The following FANCA variants were observed in gnomAD, a reference collection of about 807,000 sequenced individuals.
FANCA encodes the protein FA complementation group A.
FANCA carries 236 observed loss-of-function variants against 194.3 expected under a neutral mutation model. The ratio of observed to expected loss-of-function variants is 1.21; its 90% CI spans 1.09 to 1.35. The LOEUF (loss-of-function observed/expected upper bound fraction) is 1.35, where lower values mean the gene tolerates loss of function less well. FANCA is among the 40% of genes most tolerant of loss of function. The pLI, the probability that FANCA is intolerant of heterozygous loss-of-function variation, is 0.00. For synonymous variants in FANCA, 1,014 were observed against 715.8 expected, an observed-to-expected ratio of 1.42 and a Z score of -6.65; for missense variants, 2,628 against 1,813.9, an observed-to-expected ratio of 1.45 and a Z score of -8.15.
chr16:89,801,006 C>A, intron 8 of FANCA, among the ~76,000 whole-genome samples: 1 of 141,934 alleles, frequency 7.0e-6, no homozygotes, highest in African/African-American at 2.7e-5. Flanking sequence ...GCACTCCAGC[C>A]TGGGAGACAG....
At chr16:89,790,387 C>G (rs1331246096) in intron 14 of FANCA, among the ~76,000 whole-genome samples, 1 of 146,926 alleles carries the variant, frequency 6.8e-6, no homozygotes, top group Non-Finnish European at 1.5e-5. Flanking sequence ...GAATGAGACT[C>G]CACCTCAAAA....
chr16:89,781,609 G>T (rs1039466090), intron 17 of FANCA, among the ~76,000 whole-genome samples: 2 of 151,116 alleles, frequency 1.3e-5, no homozygotes, highest in African/African-American at 4.9e-5. Flanking sequence ...CCGGGAGGCG[G>T]AGCTTGCAGT....
chr16:89,805,884 A>G (rs1040973924), intron 6 of FANCA, among the ~76,000 whole-genome samples: 2 of 152,038 alleles, frequency 1.3e-5, no homozygotes, highest in African/African-American at 4.8e-5. Flanking sequence ...CAGCCCTTCT[A>G]AATTTATTCC....
chr16:89,749,806 G>A lies in FANCA; in HGVS notation c.3163C>T (p.Arg1055Trp), dbSNP rs753063086. ...EHFLFEIFRR[R>W]LQALTSGWSV... The stretch of plus-strand genomic sequence containing the variant: ...CACCCGCTTGTCAGAGCCTGGAGCC[G>A]TCTGCGGAAAATCTCAAAGAGGAAG... The change falls in exon 32 of 43, where the codon CGG becomes TGG. Residue 1055 changes from arginine (R) to tryptophan (W), a missense_variant. Transcript: ENST00000389301. The A allele has an allele frequency of 1.2e-5, 20 of 1,614,090 alleles. No individual in the cohort carries two copies. The highest frequency in any genetic ancestry group is 5.3e-5 in the African/African-American group (4 of 74,918).
chr16:89,747,130 G>C (rs1439917746), intron 33 of FANCA, among the ~76,000 whole-genome samples: 1 of 152,172 alleles, frequency 6.6e-6, no homozygotes, highest in East Asian at 1.9e-4. Context: ...AAACAGTCTT[G>C]TAGGCTCCAG....
chr16:89,744,693 G>C, intron 36 of FANCA: 1 of 483,178 alleles, frequency 2.1e-6, no homozygotes, highest in Non-Finnish European at 3.8e-6. Flanking sequence ...TTTCTGGACA[G>C]AGTCTTGCTC....
chr16:89,771,797 C>T lies in FANCA; in HGVS notation c.2032G>A (p.Ala678Thr). ...GCCCTCAGTCTTTCAGAAATCACTG[C>T]CACCTGTGCCGATATAACTGCGAAG... ...SQRDVISAQV[A>T]VISERLRAVL... The change falls in exon 23 of 43, where the codon GCA becomes ACA. Residue 678 changes from alanine (A) to threonine (T), a missense_variant. Ala to Thr is a moderately conservative substitution (Grantham distance 58, BLOSUM62 0). Transcript: ENST00000389301. The T allele has an allele frequency of 6.2e-7, 1 of 1,613,990 alleles. No individual in the cohort carries two copies. The highest frequency in any genetic ancestry group is 1.1e-5 in the South Asian group (1 of 91,064).
At chr16:89,758,504 A>G (rs1228206577) in intron 30 of FANCA, 73 bp downstream of exon 30, 7 of 1,580,110 alleles carry the variant, frequency 4.4e-6, no homozygotes, top group Non-Finnish European at 6.1e-6. Context: ...CAGCATGGCC[A>G]GAAACTCCCC....
chr16:89,778,430 C>T, intron 20 of FANCA: 1 of 329,484 alleles, frequency 3.0e-6, no homozygotes, highest in Non-Finnish European at 5.7e-6. Context: ...TGTGCAATTG[C>T]ACTCCAGCCT....
At position 89,751,537 on chromosome 16, in the gene FANCA, A is replaced by C. The variant is rs2038590669; in HGVS notation, c.3066+601T>G. ...CAGATGGTCTCACTGAGAAGGAGCC[A>C]GGTGGGTCTAGGGAAAGCATCTGGC... On this transcript the variant is annotated intron_variant, in intron 31 of 42. Transcript: ENST00000389301. 2.6e-5 allele frequency among the ~76,000 whole-genome samples: 4 copies of C among 152,186 alleles called. No homozygotes were observed. The South Asian group carries it at 8.3e-4, about 32-fold the overall frequency.
At position 89,769,905 on chromosome 16, in the gene FANCA, A is replaced by G; in HGVS notation, c.2436T>C (p.Leu812=). The change falls in exon 26 of 43, where the codon CTT becomes CTC. Residue 812 remains leucine, a synonymous_variant. Coordinates refer to ENST00000389301, the MANE Select transcript of FANCA (RefSeq NM_000135.4). The part of the protein sequence containing the change: ...DVGPPAPGAG[L]PVPALFDSLL... Reference sequence around the variant, plus strand: ...GGCTGTCAAAGAGCGCAGGGACAGGAAGGCCAGCACCAGGTGCAGGAGGAC... The same window carrying G: ...GGCTGTCAAAGAGCGCAGGGACAGGGAGGCCAGCACCAGGTGCAGGAGGAC... The G allele has an allele frequency of 6.2e-7, 1 of 1,614,096 alleles. No individual in the cohort carries two copies. Among genetic ancestry groups the G allele is most frequent in the African/African-American group, 1.3e-5 (1 of 75,038 alleles).
At chr16:89,762,147 T>A in intron 28 of FANCA, 125 bp from the exon 29 acceptor site, 1 of 789,724 alleles carries the variant, frequency 1.3e-6, no homozygotes, top group South Asian at 1.4e-5. Flanking sequence ...TATAATGAAA[T>A]TGCAGCTGAG....
chr16:89,784,760 T>C, intron 15 of FANCA, 94 bp downstream of exon 15: 1 of 919,252 alleles, frequency 1.1e-6, no homozygotes, highest in South Asian at 1.3e-5. Context: ...TCAGAGCAGA[T>C]CTGCAGGAGG....
chr16:89,759,193 G>C (rs1351563640), intron 29 of FANCA, among the ~76,000 whole-genome samples: 1 of 151,472 alleles, frequency 6.6e-6, no homozygotes, highest in Non-Finnish European at 1.5e-5. Flanking sequence ...GGTGGTGGGC[G>C]CCTGTAGTCC....
At chr16:89,743,277 G>T (rs2062177522) in intron 36 of FANCA, among the ~76,000 whole-genome samples, 1 of 152,208 alleles carries the variant, frequency 6.6e-6, no homozygotes, top group Non-Finnish European at 1.5e-5. Context: ...CCCATGCCTG[G>T]CCCTGTGGAT....
In FANCA at chr16:89,748,410, T is replaced by G. The variant is rs2011877; in HGVS notation, c.3348+249A>C. ...TCCATGTGTCAAAATCATTAAAACT[T>G]GAGGGAAACTAAAGGAACTCAAACT... On this transcript the variant is annotated intron_variant, in intron 33 of 42. Transcript: ENST00000389301. Among the ~76,000 whole-genome samples, 64,697 of 152,148 alleles carry G rather than the reference T, an allele frequency of 0.43. 15,340 individuals are homozygous for G. Among genetic ancestry groups the G allele is most frequent in the East Asian group, 0.76 (3,919 of 5,168 alleles).
chr16:89,744,674 T>TTG, intron 36 of FANCA: 1 of 437,506 alleles, frequency 2.3e-6, no homozygotes. Context: ...TGTTTTTTTT[T>TTG]TTGTTTTTTT....
chr16:89,807,750 G>A (rs939983399), intron 6 of FANCA, among the ~76,000 whole-genome samples: 1 of 152,130 alleles, frequency 6.6e-6, no homozygotes, highest in Non-Finnish European at 1.5e-5. Flanking sequence ...AGGCGTGGTG[G>A]CGGACGCCTG....
At chr16:89,775,168 G>A (rs1370096981) in intron 21 of FANCA, among the ~76,000 whole-genome samples, 2 of 151,724 alleles carry the variant, frequency 1.3e-5, no homozygotes, top group East Asian at 1.9e-4. Context: ...GGGAGATGCT[G>A]GCTTCTACTG....
Sources: allele counts gnomAD v4.1 joint callset (sites outside exome capture counted in the v4.1 genomes callset), GRCh38; gene constraint gnomAD v4.1.1; transcripts MANE v1.5; gene names NCBI Gene and HGNC (gene_info 2026-07-23, HGNC 2026-07-21).